The following TAFA2 variants were observed in gnomAD, a reference collection of about 807,000 sequenced individuals.
TAFA2 encodes chemokine-like protein TAFA-2.
Under a neutral mutation model 18.8 loss-of-function variants are expected in TAFA2, and 7 were observed. The ratio of observed to expected loss-of-function variants is 0.37; its 90% CI spans 0.21 to 0.70. The LOEUF is 0.70. TAFA2 is among the 30% of genes least tolerant of loss of function. TAFA2 has a pLI of 0.53. For missense variants in TAFA2, 122 were observed against 158.1 expected (o/e 0.77, Z 1.23); for synonymous variants, 60 against 54.2 (o/e 1.11, Z -0.47).
chr12:62,234,889 T>C, intron 1 of TAFA2: 1 of 995,072 alleles, frequency 1.0e-6, no homozygotes, highest in Admixed American at 1.7e-5. Context: ...CATCCCACGA[T>C]CATGGGCATC....
intron 1 of TAFA2, among the ~76,000 whole-genome samples, chr12:61,896,698 C>T (rs1875860383): frequency 6.6e-6 from 1 of 152,140 alleles, no homozygotes; most frequent in African/African-American, 2.4e-5. Context: ...CTTGCCAACA[C>T]TTCTAAAATT....
In TAFA2 at chr12:61,850,747, G is replaced by A. The variant is rs557100996; in HGVS notation, c.106+16573C>T. Among the ~76,000 whole-genome samples, 33 of 151,972 alleles carry A rather than the reference G, an allele frequency of 2.2e-4. 1 individual carries two copies. Among genetic ancestry groups the A allele is most frequent in the African/African-American group, 7.5e-4 (31 of 41,454 alleles). On this transcript the variant is annotated intron_variant, in intron 2 of 4. Transcript: ENST00000416284. ...GTGAAAGATTATTCATTTCATAGACGAAATTTTAAAGTATGCAATACCTCA... is the reference window on the plus strand; with the variant it reads ...GTGAAAGATTATTCATTTCATAGACAAAATTTTAAAGTATGCAATACCTCA...
At chr12:62,058,394 G>C (rs538002663) in intron 1 of TAFA2, among the ~76,000 whole-genome samples, 1 of 152,204 alleles carries the variant, frequency 6.6e-6, no homozygotes, top group East Asian at 1.9e-4. Context: ...ATAGATATTA[G>C]ACTTTTCACG....
At chr12:62,062,108 A>C (rs1197198257) in intron 1 of TAFA2, among the ~76,000 whole-genome samples, 2 of 152,120 alleles carry the variant, frequency 1.3e-5, no homozygotes, top group Non-Finnish European at 2.9e-5. Flanking sequence ...TGAGAGACAG[A>C]GGTTGCACTG....
At chr12:61,880,823 G>T (rs925406711) in intron 1 of TAFA2, 2 of 301,186 alleles carry the variant, frequency 6.6e-6, no homozygotes, top group Non-Finnish European at 1.3e-5. Context: ...CTGCCCCAGA[G>T]CCCATGAGAG....
chr12:61,888,172 C>A (rs996665274), intron 1 of TAFA2, among the ~76,000 whole-genome samples: 3 of 152,072 alleles, frequency 2.0e-5, no homozygotes, highest in Non-Finnish European at 4.4e-5. Context: ...GTCAATGTGG[C>A]GATTCCTCAG....
chr12:62,174,178 G>A (rs1288083724), intron 1 of TAFA2, among the ~76,000 whole-genome samples: 1 of 151,992 alleles, frequency 6.6e-6, no homozygotes. Context: ...TGTAGTCCCA[G>A]CTACTCACAC....
intron 1 of TAFA2, among the ~76,000 whole-genome samples, chr12:62,097,341 A>G (rs903306296): frequency 1.6e-4 from 25 of 152,178 alleles, no homozygotes; most frequent in African/African-American, 6.0e-4. Context: ...GGCCTAACAG[A>G]TAAATAGGAA....
intron 2 of TAFA2, among the ~76,000 whole-genome samples, chr12:61,759,500 C>T (rs1339938951): frequency 1.3e-5 from 2 of 151,952 alleles, no homozygotes; most frequent in African/African-American, 4.8e-5. Context: ...AATCTGAATC[C>T]CCAACTGAAG....
At chr12:61,906,625 C>G (rs1350379880) in intron 1 of TAFA2, among the ~76,000 whole-genome samples, 2 of 151,042 alleles carry the variant, frequency 1.3e-5, no homozygotes, top group East Asian at 3.9e-4. Flanking sequence ...GTGGAAGTGA[C>G]TTTGGAACTG....
At chr12:62,059,774 C>T (rs960886532) in intron 1 of TAFA2, among the ~76,000 whole-genome samples, 10 of 152,032 alleles carry the variant, frequency 6.6e-5, no homozygotes, top group Non-Finnish European at 1.2e-4. Context: ...TTAGGCTGTT[C>T]GTTAAGTTTT....
At chr12:62,215,240 A>T (rs1307275603) in intron 1 of TAFA2, among the ~76,000 whole-genome samples, 1 of 152,160 alleles carries the variant, frequency 6.6e-6, no homozygotes, top group Non-Finnish European at 1.5e-5. Context: ...AATTTTTCAC[A>T]AATTGTTTAT....
At chr12:62,234,155 G>A (rs572145400) in intron 1 of TAFA2, among the ~76,000 whole-genome samples, 3 of 152,284 alleles carry the variant, frequency 2.0e-5, no homozygotes, top group African/African-American at 4.8e-5. Context: ...GCAGCTAGCC[G>A]CCATGAGTCC....
Position 62,127,777 on chromosome 12 carries a change from C to T in TAFA2, c.-2+63482G>A, listed in dbSNP as rs560606968. On this transcript the variant is annotated intron_variant, in intron 1 of 4. Transcript: ENST00000416284. ...AAGTTTCTTCTTGTGCCTTGTCTTT[C>T]TTGTCTGGATTTCTTGTCTGTGAAA... Among the ~76,000 whole-genome samples, 6 of 151,996 alleles carry T rather than the reference C, an allele frequency of 3.9e-5. No homozygotes were observed. In the South Asian group the frequency reaches 1.2e-3, roughly 32 times the overall value.
At chr12:61,978,417 TA>T (rs796159172) in intron 1 of TAFA2, among the ~76,000 whole-genome samples, 31 of 152,186 alleles carry the variant, frequency 2.0e-4, no homozygotes, top group African/African-American at 7.0e-4. Context: ...GCAAATACTC[TA>T]ATAACAATTT....
At chr12:61,980,422 G>A (rs182075080) in intron 1 of TAFA2, among the ~76,000 whole-genome samples, 43 of 152,146 alleles carry the variant, frequency 2.8e-4, no homozygotes, top group East Asian at 9.7e-4. Flanking sequence ...CTCTCTCACC[G>A]CTCCTATTCA....
intron 1 of TAFA2, among the ~76,000 whole-genome samples, chr12:62,244,352 A>G (rs1385234284): frequency 6.6e-6 from 1 of 151,398 alleles, no homozygotes; most frequent in Non-Finnish European, 1.5e-5. Context: ...CATTTTTTTA[A>G]TCTTTTCTAT....
At chr12:61,993,127 C>T (rs17125602) in intron 1 of TAFA2, among the ~76,000 whole-genome samples, 9,545 of 152,248 alleles carry the variant, frequency 0.063, 520 homozygotes, top group East Asian at 0.18. Flanking sequence ...GCTCACTAAA[C>T]ATTCTGCGCT....
intron 4 of TAFA2, among the ~76,000 whole-genome samples, chr12:61,746,801 C>T (rs1232801840): frequency 2.6e-5 from 4 of 152,062 alleles, no homozygotes; most frequent in African/African-American, 7.2e-5. Context: ...AGAATAGAAT[C>T]TGACAATAGG....
Sources: allele counts gnomAD v4.1 joint callset (sites outside exome capture counted in the v4.1 genomes callset), GRCh38; gene constraint gnomAD v4.1.1; transcripts MANE v1.5; gene names NCBI Gene and HGNC (gene_info 2026-07-23, HGNC 2026-07-21).